ZNF804B: variants seen among roughly 807,000 people sequenced by gnomAD.
ZNF804B encodes the protein zinc finger 804B.
Under a neutral mutation model 101.4 loss-of-function variants are expected in ZNF804B, and 80 were observed. The observed-to-expected ratio is 0.79, with a 90% confidence interval of 0.66 to 0.95. The LOEUF is 0.95. Ranked by LOEUF, ZNF804B falls within the 40% of genes least tolerant of loss-of-function variation. The probability of loss-of-function intolerance (pLI) is 0.00; values close to 1 mark genes in which losing one functional copy is unlikely to be tolerated. For missense variants in ZNF804B, 1,673 were observed against 1,561.9 expected, an observed-to-expected ratio of 1.07 and a Z score of -1.20; for synonymous variants, 622 against 558.8, an observed-to-expected ratio of 1.11 and a Z score of -1.59.
intron 1 of ZNF804B, among the ~76,000 whole-genome samples, chr7:88,861,381 G>T (rs1791642032): frequency 6.6e-6 from 1 of 152,180 alleles, no homozygotes. Flanking sequence ...AAACAACCTT[G>T]CCAGCAGAGC....
intron 1 of ZNF804B, among the ~76,000 whole-genome samples, chr7:88,911,725 A>G (rs1055148384): frequency 6.6e-6 from 1 of 151,768 alleles, no homozygotes; most frequent in Non-Finnish European, 1.5e-5. Context: ...TATAAATTAT[A>G]CACAGCCATA....
intron 1 of ZNF804B, among the ~76,000 whole-genome samples, chr7:88,766,215 AAGG>A (rs958914599): frequency 2.0e-5 from 3 of 152,244 alleles, no homozygotes; most frequent in African/African-American, 7.2e-5. Flanking sequence ...AAGGCTGAGG[AAGG>A]AGGACAGCTT....
At chr7:89,240,972 G>A (rs1789360311) in intron 2 of ZNF804B, among the ~76,000 whole-genome samples, 1 of 152,000 alleles carries the variant, frequency 6.6e-6, no homozygotes, top group Non-Finnish European at 1.5e-5. Flanking sequence ...AAACTCTACA[G>A]TGTCTGTAGC....
chr7:89,058,446 C>T (rs367816081), intron 1 of ZNF804B, among the ~76,000 whole-genome samples: 4 of 152,216 alleles, frequency 2.6e-5, no homozygotes, highest in South Asian at 2.1e-4. Flanking sequence ...TTACTTTCTA[C>T]ACCTTTGATT....
intron 1 of ZNF804B, among the ~76,000 whole-genome samples, chr7:88,994,128 GT>G (rs1471881703): frequency 1.3e-5 from 2 of 151,626 alleles, no homozygotes; most frequent in African/African-American, 4.8e-5. Context: ...AATTTTCTCT[GT>G]GCTTGAGTGA....
intron 1 of ZNF804B, among the ~76,000 whole-genome samples, chr7:88,823,806 A>C (rs1791017392): frequency 6.6e-6 from 1 of 152,164 alleles, no homozygotes; most frequent in Non-Finnish European, 1.5e-5. Context: ...GCTTGAGAGA[A>C]CAATGAGAAG....
intron 1 of ZNF804B, among the ~76,000 whole-genome samples, chr7:88,993,814 C>G (rs1224886787): frequency 4.6e-5 from 7 of 151,756 alleles, no homozygotes; most frequent in Non-Finnish European, 1.0e-4. Context: ...TTGATTTATT[C>G]TTATTATAAA....
At chr7:88,968,161 T>C (rs1793484621) in intron 1 of ZNF804B, among the ~76,000 whole-genome samples, 1 of 98,034 alleles carries the variant, frequency 1.0e-5, no homozygotes. Context: ...ACTAAAATGG[T>C]GTTAGAAATT....
At chr7:89,081,137 A>T (rs1250319281) in intron 1 of ZNF804B, among the ~76,000 whole-genome samples, 4 of 151,700 alleles carry the variant, frequency 2.6e-5, no homozygotes, top group Non-Finnish European at 5.9e-5. Flanking sequence ...TAGAGCCAAG[A>T]TTGCTCCTTA....
rs775092115 is a variant in ZNF804B at position 88,833,641 on chromosome 7, ATCATATTT to A, written c.108+73558_108+73565del. 4.6e-4 allele frequency among the ~76,000 whole-genome samples: 70 copies of A among 151,958 alleles called. 2 individuals are homozygous for A. The highest frequency in any genetic ancestry group is 4.4e-5 in the Non-Finnish European group (3 of 67,900). On this transcript the variant is annotated intron_variant, in intron 1 of 3. Transcript: ENST00000333190. ...AATATAATGCAAAAAATCAGTTGCC[ATCATATTT>A]GAATGTTTGTTTTATTATTAACTTA...
intron 2 of ZNF804B, among the ~76,000 whole-genome samples, chr7:89,283,933 G>T (rs919151403): frequency 6.6e-6 from 1 of 151,906 alleles, no homozygotes; most frequent in African/African-American, 2.4e-5. Context: ...TATCAAAAAG[G>T]TTAAGAAAAA....
At chr7:89,055,478 T>C (rs1789276346) in intron 1 of ZNF804B, among the ~76,000 whole-genome samples, 1 of 152,010 alleles carries the variant, frequency 6.6e-6, no homozygotes, top group Non-Finnish European at 1.5e-5. Flanking sequence ...CCATCAGTAA[T>C]ATTTGTGGGC....
In ZNF804B at chr7:89,137,872, G is replaced by A. The variant is rs1790659997; in HGVS notation, c.109-80283G>A. On this transcript the variant is annotated intron_variant, in intron 1 of 3. Coordinates refer to ENST00000333190, the MANE Select transcript of ZNF804B (RefSeq NM_181646.5). ...ACACACCGAGAGGCCTAGTAGAAAA[G>A]CATGGTTTTATGGGTCAGACCATGA... 3.9e-5 allele frequency among the ~76,000 whole-genome samples: 6 copies of A among 152,092 alleles called. No individual in the cohort carries two copies. In the South Asian group the frequency reaches 1.3e-3, roughly 32 times the overall value.
chr7:88,984,843 A>G (rs1274147171), intron 1 of ZNF804B, among the ~76,000 whole-genome samples: 3 of 152,076 alleles, frequency 2.0e-5, no homozygotes, highest in East Asian at 1.9e-4. Context: ...CCCTGATTCA[A>G]TGGTAATCTT....
chr7:89,041,656 T>A (rs919751587), intron 1 of ZNF804B, among the ~76,000 whole-genome samples: 2 of 152,182 alleles, frequency 1.3e-5, no homozygotes, highest in Admixed American at 1.3e-4. Flanking sequence ...GGTGTCGAAG[T>A]TTGTGGTAAC....
At chr7:89,297,403 T>C (rs185743885) in intron 2 of ZNF804B, among the ~76,000 whole-genome samples, 209 of 152,198 alleles carry the variant, frequency 1.4e-3, no homozygotes, top group African/African-American at 4.7e-3. Flanking sequence ...TTAAAAGTTA[T>C]TCTCCAAAAA....
chr7:88,794,482 GGAACTTTTATCACT>G, intron 1 of ZNF804B: 1 of 1,613,882 alleles, frequency 6.2e-7, no homozygotes, highest in Non-Finnish European at 8.5e-7. Context: ...ATACATAACT[GGAACTTTTATCACT>G]GAAACATGCC....
At chr7:88,779,158 A>G (rs1790188257) in intron 1 of ZNF804B, among the ~76,000 whole-genome samples, 1 of 152,220 alleles carries the variant, frequency 6.6e-6, no homozygotes, top group Non-Finnish European at 1.5e-5. Context: ...GAATGGCTTT[A>G]GGGCTCATCT....
chr7:89,021,419 C>T (rs950222292), intron 1 of ZNF804B, among the ~76,000 whole-genome samples: 5 of 152,094 alleles, frequency 3.3e-5, no homozygotes, highest in Admixed American at 2.0e-4. Context: ...CTGGCTAGGG[C>T]CACTGTTGCT....
Sources: gnomAD v4.1 joint callset for allele counts (sites outside exome capture counted in the v4.1 genomes callset) on GRCh38, gnomAD v4.1.1 for gene constraint, MANE v1.5 for transcripts, NCBI Gene and HGNC (gene_info 2026-07-23, HGNC 2026-07-21) for gene names.